Variants in COMMD10 observed in about 807,000 individuals in gnomAD.
COMMD10 encodes COMM domain containing 10.
A neutral mutation model predicts 28.9 loss-of-function variants in COMMD10; 33 were observed. The observed-to-expected ratio is 1.14, with a 90% CI of 0.87 to 1.53. The LOEUF is 1.53. Among genes scored for constraint, COMMD10 ranks in the 40% most tolerant of loss-of-function variants. COMMD10 has a pLI of 0.00. For synonymous variants in COMMD10, 110 were observed against 81.7 expected (o/e 1.35, Z -1.87); for missense variants, 310 against 233.4 (o/e 1.33, Z -2.14).
chr5:116,225,039 T>A (rs1016475269), intron 5 of COMMD10, among the ~76,000 whole-genome samples: 9 of 152,172 alleles, frequency 5.9e-5, no homozygotes, highest in African/African-American at 1.9e-4. Flanking sequence ...TTCTAACCCA[T>A]AATGCAGTTG....
chr5:116,172,528 GT>G (rs1047883066), intron 5 of COMMD10, among the ~76,000 whole-genome samples: 2 of 152,116 alleles, frequency 1.3e-5, no homozygotes, highest in Admixed American at 1.3e-4. Flanking sequence ...ATTGCTTTCT[GT>G]TATCTACCCT....
rs188946218 is a variant in COMMD10, at chr5:116,146,673, A to G, written c.510+12495A>G. 5.3e-4 allele frequency among the ~76,000 whole-genome samples: 80 copies of G among 152,008 alleles called. No individual in the cohort carries two copies. In the East Asian group the frequency reaches 0.015, roughly 28 times the overall value. ...TGTTAGTTACTATGTGAATACTTAA[A>G]TATGTCTTTAATGGATTGTGGGGAT... On this transcript the variant is annotated intron_variant, in intron 5 of 6. Transcript: ENST00000274458.
chr5:116,170,268 A>T (rs968234907), intron 5 of COMMD10, among the ~76,000 whole-genome samples: 2 of 152,198 alleles, frequency 1.3e-5, no homozygotes, highest in African/African-American at 4.8e-5. Flanking sequence ...ATATCTAGAA[A>T]TACAACTTAC....
chr5:116,090,472 A>G (rs187148909), intron 2 of COMMD10, among the ~76,000 whole-genome samples: 72 of 152,348 alleles, frequency 4.7e-4, no homozygotes, highest in African/African-American at 1.7e-3. Context: ...CTTCAAAAAT[A>G]ACTGTCACAA....
At chr5:116,115,735 C>T (rs1281027366) in intron 4 of COMMD10, among the ~76,000 whole-genome samples, 4 of 152,116 alleles carry the variant, frequency 2.6e-5, no homozygotes, top group Admixed American at 2.6e-4. Flanking sequence ...AATGTAAAAA[C>T]TGACATGTCA....
At chr5:116,216,691 G>A (rs1015265830) in intron 5 of COMMD10, among the ~76,000 whole-genome samples, 1 of 151,888 alleles carries the variant, frequency 6.6e-6, no homozygotes, top group Admixed American at 6.6e-5. Flanking sequence ...GCGCCACCAC[G>A]CCCAGCTTAT....
chr5:116,248,418 G>A (rs539030879), intron 5 of COMMD10, among the ~76,000 whole-genome samples: 2 of 152,048 alleles, frequency 1.3e-5, no homozygotes, highest in South Asian at 4.2e-4. Flanking sequence ...GACAGAAAAA[G>A]AATTAAGGTT....
chr5:116,155,419 G>A (rs1043637798), intron 5 of COMMD10, among the ~76,000 whole-genome samples: 1 of 151,984 alleles, frequency 6.6e-6, no homozygotes, highest in African/African-American at 2.4e-5. Context: ...AAAGTCTCCT[G>A]TCTGTTTCCA....
intron 5 of COMMD10, among the ~76,000 whole-genome samples, chr5:116,218,933 A>T (rs931068199): frequency 2.0e-5 from 3 of 152,114 alleles, no homozygotes; most frequent in Non-Finnish European, 4.4e-5. Context: ...GTCACTCCCA[A>T]TGTGTCTGTA....
intron 5 of COMMD10, among the ~76,000 whole-genome samples, chr5:116,203,991 A>T (rs1251773538): frequency 6.6e-6 from 1 of 152,200 alleles, no homozygotes; most frequent in African/African-American, 2.4e-5. Context: ...GTATTCAGGA[A>T]ACCCATCTCA....
At chr5:116,188,723 G>A (rs147598453) in intron 5 of COMMD10, among the ~76,000 whole-genome samples, 19 of 143,504 alleles carry the variant, frequency 1.3e-4, no homozygotes, top group South Asian at 2.2e-4. Flanking sequence ...TCCACCTCCC[G>A]GCTCAAGCAA....
intron 5 of COMMD10, among the ~76,000 whole-genome samples, chr5:116,183,053 G>A (rs1024087508): frequency 5.3e-5 from 8 of 152,094 alleles, no homozygotes; most frequent in African/African-American, 1.9e-4. Context: ...GTGAGTCAGT[G>A]AAACCGCTTT....
intron 5 of COMMD10, among the ~76,000 whole-genome samples, chr5:116,217,039 A>G (rs1252207358): frequency 6.6e-6 from 1 of 152,128 alleles, no homozygotes; most frequent in Non-Finnish European, 1.5e-5. Context: ...TAGTCATTAC[A>G]TAGTCATTAA....
At chr5:116,149,471 A>G (rs2112549436) in intron 5 of COMMD10, among the ~76,000 whole-genome samples, 1 of 147,060 alleles carries the variant, frequency 6.8e-6, no homozygotes, top group African/African-American at 2.6e-5. Context: ...CAGTCCCACC[A>G]ACAGTGTAAA....
Position 116,291,589 on chromosome 5 carries a change from A to T in COMMD10, c.570+13A>T. On this transcript the variant is annotated intron_variant, in intron 6 of 6. Coordinates refer to ENST00000274458, the MANE Select transcript of COMMD10 (RefSeq NM_016144.4). ...TTTCTATAACAAGGTCTGTATTTTT[A>T]AAATAATTTTCTAATATGTGGAGTT... The T allele has an allele frequency of 4.1e-6, 6 of 1,461,280 alleles. No homozygotes were observed. The highest frequency in any genetic ancestry group is 5.6e-6 in the Non-Finnish European group (6 of 1,063,394). The allele number at this position is 1,461,280 out of a possible 1,614,324, so 90.5% of individuals were successfully genotyped here.
At chr5:116,242,142 A>G (rs1205856310) in intron 5 of COMMD10, among the ~76,000 whole-genome samples, 4 of 152,328 alleles carry the variant, frequency 2.6e-5, no homozygotes, top group Admixed American at 6.5e-5. Context: ...TGTAGGTTTC[A>G]CAGAGAGACT....
intron 5 of COMMD10, among the ~76,000 whole-genome samples, chr5:116,177,843 C>A (rs76586092): frequency 0.022 from 3,283 of 152,274 alleles, 106 homozygotes; most frequent in African/African-American, 0.074. Flanking sequence ...CATCCCACTT[C>A]ATACTGAGTT....
intron 5 of COMMD10, among the ~76,000 whole-genome samples, chr5:116,202,153 C>T (rs1334907020): frequency 4.7e-5 from 7 of 150,180 alleles, no homozygotes; most frequent in African/African-American, 1.2e-4. Flanking sequence ...TTTTTGTCCT[C>T]GCGATAGTTT....
At chr5:116,091,561 C>G (rs1333139057) in intron 3 of COMMD10, among the ~76,000 whole-genome samples, 1 of 152,140 alleles carries the variant, frequency 6.6e-6, no homozygotes, top group African/African-American at 2.4e-5. Flanking sequence ...TTCTGCATCC[C>G]TTTTTCTCAT....
Sources: gnomAD v4.1 joint callset for allele counts (sites outside exome capture counted in the v4.1 genomes callset) on GRCh38, gnomAD v4.1.1 for gene constraint, MANE v1.5 for transcripts, NCBI Gene and HGNC (gene_info 2026-07-23, HGNC 2026-07-21) for gene names.